CFAP70: variants seen among roughly 807,000 people sequenced by gnomAD.
The protein encoded by CFAP70 is cilia- and flagella-associated protein 70.
In CFAP70, 81 loss-of-function variants were observed where a neutral mutation model predicts 137.6. That is an observed-to-expected ratio of 0.59 (90% CI 0.49 to 0.71). CFAP70 has a LOEUF of 0.71. Among genes scored for constraint, CFAP70 ranks in the 30% least tolerant of loss-of-function variants. CFAP70 has a pLI of 0.00. For missense variants in CFAP70, 976 were observed against 1,226.7 expected (o/e 0.80, Z 3.05); for synonymous variants, 382 against 423.6 (o/e 0.90, Z 1.20).
chr10:73,348,379 A>T, intron 4 of CFAP70, 44 bp downstream of exon 4: 1 of 1,580,938 alleles, frequency 6.3e-7, no homozygotes, highest in Non-Finnish European at 8.7e-7. Flanking sequence ...GCTAAGTTTT[A>T]TGAGCTTTTC....
At position 73,275,312 on chromosome 10, in the gene CFAP70, G is replaced by A; in HGVS notation, c.2673+134C>T. On this transcript the variant is annotated intron_variant, in intron 22 of 26. Transcript: ENST00000310715. The surrounding 1 kb of genome is among the most constrained non-coding windows in gnomAD (Gnocchi z 4.0). ...ATTACTTAAGAAAAGCAAATGGAAG[G>A]GTATAGAGAGATGAGTTTACTGACA... 1 of 1,034,938 alleles carries A rather than the reference G, an allele frequency of 9.7e-7. No individual in the cohort carries two copies. Among genetic ancestry groups the A allele is most frequent in the Non-Finnish European group, 1.4e-6 (1 of 720,930 alleles). The allele number at this position is 1,034,938 out of a possible 1,614,324, so 64.1% of individuals were successfully genotyped here.
intron 3 of CFAP70, among the ~76,000 whole-genome samples, chr10:73,349,706 A>G (rs1363901361): frequency 6.6e-6 from 1 of 152,254 alleles, no homozygotes; most frequent in Admixed American, 6.5e-5. Flanking sequence ...AACACTTATT[A>G]TAACAATTTC....
chr10:73,278,403 G>T, intron 19 of CFAP70, 66 bp from the exon 21 acceptor site: 1 of 1,377,556 alleles, frequency 7.3e-7, no homozygotes, highest in Non-Finnish European at 1.0e-6. Flanking sequence ...GTTATTGTAA[G>T]AGATACATTT....
At chr10:73,292,993 A>C (rs909647717) in intron 16 of CFAP70, among the ~76,000 whole-genome samples, 6 of 152,106 alleles carry the variant, frequency 3.9e-5, no homozygotes, top group Admixed American at 2.6e-4. Flanking sequence ...TTTGGAGTTG[A>C]GTTTTGTAAA....
At position 73,312,361 on chromosome 10, in the gene CFAP70, A is replaced by G. The variant is rs1275844694; in HGVS notation, c.1083+112T>C. 1.8e-5 allele frequency: 15 copies of G among 816,420 alleles called. No individual in the cohort carries two copies. In the East Asian group the frequency reaches 3.9e-4, roughly 21 times the overall value. The allele number at this position is 816,420 out of a possible 1,614,324, so 50.6% of individuals were successfully genotyped here. A position where few individuals can be genotyped will look rare whatever the true frequency, so the allele number is the denominator to read the frequency against. On this transcript the variant is annotated intron_variant, in intron 10 of 26. Transcript: ENST00000310715. ...GCACATGTATCCCAGAACTTAAAGT[A>G]AAATTAAAAAAAAATGCAAACTAAC...
In CFAP70 at chr10:73,311,257, A is replaced by ATT. The variant is rs200955959; in HGVS notation, c.1164+575_1164+576dup. Among the ~76,000 whole-genome samples, 1,338 of 149,366 alleles carry ATT rather than the reference A, an allele frequency of 9.0e-3. 32 individuals are homozygous for ATT. Among genetic ancestry groups the ATT allele is most frequent in the African/African-American group, 0.031 (1,251 of 40,400 alleles). On this transcript the variant is annotated intron_variant, in intron 11 of 26. Coordinates refer to ENST00000310715, the Ensembl canonical transcript of CFAP70. ...GACAGCCTAAATTCTGCTCTTGCAA[A>ATT]TTCTCTGTTATTCTCTCTCAAGCTG...
chr10:73,315,656 T>C (rs2050282388), intron 9 of CFAP70, among the ~76,000 whole-genome samples: 1 of 152,152 alleles, frequency 6.6e-6, no homozygotes, highest in African/African-American at 2.4e-5. Flanking sequence ...GATTGCCTGC[T>C]GGGCTCAAGT....
upstream of CFAP70, among the ~76,000 whole-genome samples, chr10:73,361,001 C>CT (rs557958831): frequency 0.044 from 6,282 of 141,444 alleles, 365 homozygotes; most frequent in African/African-American, 0.13. Flanking sequence ...TTACAATTTT[C>CT]TTTTTTTTTT....
chr10:73,277,693 C>T (rs1452009463), intron 20 of CFAP70, among the ~76,000 whole-genome samples: 1 of 148,722 alleles, frequency 6.7e-6, no homozygotes, highest in Admixed American at 6.7e-5. Flanking sequence ...AGCCTGGCAA[C>T]AGAGCAAGAC....
chr10:73,264,796 A>G (rs1239481859), intron 25 of CFAP70, among the ~76,000 whole-genome samples: 1 of 152,190 alleles, frequency 6.6e-6, no homozygotes, highest in African/African-American at 2.4e-5. Context: ...TTTGAAATAC[A>G]ATTTTATTTG....
intron 16 of CFAP70, among the ~76,000 whole-genome samples, chr10:73,292,727 C>T (rs1040347902): frequency 5.9e-5 from 9 of 152,036 alleles, no homozygotes; most frequent in Non-Finnish European, 1.2e-4. Flanking sequence ...GATACAAATC[C>T]TTTGTCATAC....
chr10:73,319,474 C>A (rs567917649), intron 9 of CFAP70, among the ~76,000 whole-genome samples: 26 of 152,332 alleles, frequency 1.7e-4, no homozygotes, highest in Non-Finnish European at 3.4e-4. Context: ...CCCCTACCCC[C>A]ACCTCAACAT....
At chr10:73,292,226 T>C (rs11000585) in intron 16 of CFAP70, among the ~76,000 whole-genome samples, 16,065 of 152,238 alleles carry the variant, frequency 0.11, 1,216 homozygotes, top group East Asian at 0.3. Flanking sequence ...ATTAAAAATT[T>C]GAATCATCAA....
chr10:73,362,792 C>T (rs1042030589), upstream of CFAP70, among the ~76,000 whole-genome samples: 1 of 151,958 alleles, frequency 6.6e-6, no homozygotes, highest in Non-Finnish European at 1.5e-5. Flanking sequence ...GTGGCTAGGA[C>T]TTCCAGTACT....
At chr10:73,292,776 C>T (rs1249717877) in intron 16 of CFAP70, among the ~76,000 whole-genome samples, 1 of 151,870 alleles carries the variant, frequency 6.6e-6, no homozygotes, top group South Asian at 2.1e-4. Context: ...CTGTACTTTT[C>T]CTTTTCTTTC....
chr10:73,322,275 G>T (rs533252360), intron 9 of CFAP70, among the ~76,000 whole-genome samples: 67 of 151,902 alleles, frequency 4.4e-4, no homozygotes, highest in Non-Finnish European at 6.8e-4. Flanking sequence ...TCATTCCTTT[G>T]TAATACATCC....
chr10:73,304,111 C>CA (rs2049180273), intron 12 of CFAP70, among the ~76,000 whole-genome samples: 1 of 151,676 alleles, frequency 6.6e-6, no homozygotes, highest in African/African-American at 2.4e-5. Flanking sequence ...GGCTGGAGTG[C>CA]AATGGCATGA....
Position 73,291,880 on chromosome 10 carries a change from C to T in CFAP70, c.1904+1G>A, listed in dbSNP as rs1402239936. ...ATTCCTCATCTCCCTTCCACCTATA[C>T]CTGTGGATATGACTCTGGTTGAGGG... On this transcript the variant is annotated splice_donor_variant, in intron 17 of 26. Coordinates refer to ENST00000310715, the Ensembl canonical transcript of CFAP70. LOFTEE classifies it high-confidence loss of function. The T allele has an allele frequency of 6.2e-7, 1 of 1,614,000 alleles. No homozygotes were observed. The highest frequency in any genetic ancestry group is 1.3e-5 in the African/African-American group (1 of 74,920).
upstream of CFAP70, among the ~76,000 whole-genome samples, chr10:73,362,939 G>A (rs2055072143): frequency 7.5e-6 from 1 of 132,784 alleles, no homozygotes; most frequent in Non-Finnish European, 1.5e-5. Flanking sequence ...CTATGCATCT[G>A]ACAAGGGGTT....
Sources: allele counts gnomAD v4.1 joint callset (sites outside exome capture counted in the v4.1 genomes callset), GRCh38; gene constraint gnomAD v4.1.1; non-coding constraint Gnocchi (gnomAD v3.1); transcripts MANE v1.5; gene names NCBI Gene and HGNC (gene_info 2026-07-23, HGNC 2026-07-21).